TAFA1: variants seen among roughly 807,000 people sequenced by gnomAD.
TAFA1 encodes chemokine-like protein TAFA-1.
A neutral mutation model predicts 18.5 loss-of-function variants in TAFA1; 4 were observed. The ratio of observed to expected loss-of-function variants is 0.22; its 90% confidence interval spans 0.11 to 0.49. TAFA1 has a LOEUF of 0.49. Ranked by LOEUF, TAFA1 falls within the 20% of genes least tolerant of loss-of-function variation. The probability of loss-of-function intolerance (pLI) is 0.98; values close to 1 mark genes in which losing one functional copy is unlikely to be tolerated. For synonymous variants in TAFA1, 56 were observed against 55.2 expected (o/e 1.01, Z -0.06); for missense variants, 147 against 169.0 (o/e 0.87, Z 0.72).
chr3:68,449,117 C>T (rs76790680), intron 3 of TAFA1, among the ~76,000 whole-genome samples: 154 of 152,212 alleles, frequency 1.0e-3, no homozygotes, highest in African/African-American at 3.5e-3. Context: ...AGATACATCT[C>T]CACAAAATAG....
intron 3 of TAFA1, among the ~76,000 whole-genome samples, chr3:68,427,662 C>A (rs1478500760): frequency 6.6e-6 from 1 of 151,850 alleles, no homozygotes; most frequent in Non-Finnish European, 1.5e-5. Context: ...CCACCCCCCC[C>A]ATACAAGTTC....
chr3:68,133,771 C>G (rs1469678967), intron 2 of TAFA1, among the ~76,000 whole-genome samples: 1 of 152,104 alleles, frequency 6.6e-6, no homozygotes, highest in Non-Finnish European at 1.5e-5. Context: ...CAAAAGCTTA[C>G]TAGATATTAG....
chr3:68,059,062 C>T (rs899345303), intron 2 of TAFA1, among the ~76,000 whole-genome samples: 1 of 152,160 alleles, frequency 6.6e-6, no homozygotes, highest in Non-Finnish European at 1.5e-5. Context: ...TATCAAAGCA[C>T]TTCTTTACTG....
intron 2 of TAFA1, among the ~76,000 whole-genome samples, chr3:68,038,628 A>G (rs574726782): frequency 6.6e-6 from 1 of 152,228 alleles, no homozygotes; most frequent in East Asian, 1.9e-4. Flanking sequence ...GGGTAGTCAC[A>G]TTTGCTGAAT....
chr3:68,429,992 T>C (rs1357549601), intron 3 of TAFA1, among the ~76,000 whole-genome samples: 1 of 151,976 alleles, frequency 6.6e-6, no homozygotes, highest in African/African-American at 2.4e-5. Flanking sequence ...GAGTATTGAC[T>C]ATGTGCCAGG....
At chr3:68,127,649 AGTG>A (rs1169278628) in intron 2 of TAFA1, among the ~76,000 whole-genome samples, 1 of 348 alleles carries the variant, frequency 2.9e-3, no homozygotes, top group Non-Finnish European at 7.2e-3. Flanking sequence ...TGCTGATGAC[AGTG>A]GTGGTGGTGG....
chr3:68,093,481 T>C (rs1217463164), intron 2 of TAFA1, among the ~76,000 whole-genome samples: 1 of 152,126 alleles, frequency 6.6e-6, no homozygotes, highest in East Asian at 1.9e-4. Flanking sequence ...TACTATTTAT[T>C]GTGCCTAAGA....
intron 2 of TAFA1, among the ~76,000 whole-genome samples, chr3:68,226,313 G>T (rs534082766): frequency 2.0e-5 from 3 of 152,308 alleles, no homozygotes; most frequent in Non-Finnish European, 2.9e-5. Context: ...CAAAGGGAGA[G>T]AAACAACCAT....
chr3:68,041,231 T>G (rs1266680758), intron 2 of TAFA1, among the ~76,000 whole-genome samples: 1 of 152,224 alleles, frequency 6.6e-6, no homozygotes, highest in Admixed American at 6.5e-5. Flanking sequence ...AAAGACTCTG[T>G]GTTGAGATTC....
intron 2 of TAFA1, among the ~76,000 whole-genome samples, chr3:68,162,489 A>G (rs989518954): frequency 2.0e-5 from 3 of 152,148 alleles, no homozygotes; most frequent in African/African-American, 7.2e-5. Context: ...GCTCACCTCC[A>G]TGGACCAGTG....
chr3:68,489,978 GC>G (rs2072419733), intron 3 of TAFA1, among the ~76,000 whole-genome samples: 1 of 152,060 alleles, frequency 6.6e-6, no homozygotes, highest in Non-Finnish European at 1.5e-5. Context: ...TTGGTATTTT[GC>G]AACCCTTTTG....
chr3:68,228,985 A>AAG (rs1209275816), intron 2 of TAFA1, among the ~76,000 whole-genome samples: 3 of 152,204 alleles, frequency 2.0e-5, no homozygotes, highest in Middle Eastern at 3.2e-3. Flanking sequence ...CATTCTGCCC[A>AAG]AGATGGTTTT....
chr3:68,030,372 G>A (rs1239596794), intron 2 of TAFA1, among the ~76,000 whole-genome samples: 5 of 151,750 alleles, frequency 3.3e-5, no homozygotes, highest in South Asian at 2.1e-4. Context: ...CCATCAACCC[G>A]TCATCTACAT....
At chr3:68,349,144 T>A (rs2069218832) in intron 2 of TAFA1, among the ~76,000 whole-genome samples, 2 of 151,792 alleles carry the variant, frequency 1.3e-5, no homozygotes, top group African/African-American at 4.8e-5. Flanking sequence ...ATCATAAAAT[T>A]TGAGATCAAT....
At position 68,053,337 on chromosome 3, in the gene TAFA1, T is replaced by G. The variant is rs543314385; in HGVS notation, c.118+46593T>G. 1.1e-4 allele frequency among the ~76,000 whole-genome samples: 16 copies of G among 152,262 alleles called. 1 individual carries two copies. Among genetic ancestry groups the G allele is most frequent in the African/African-American group, 2.9e-4 (12 of 41,566 alleles). On this transcript the variant is annotated intron_variant, in intron 2 of 4. Coordinates refer to ENST00000478136, the MANE Select transcript of TAFA1 (RefSeq NM_213609.4). ...TTAATTTTACTCCCCATAGGTTGCC[T>G]ATTTAAATCTTAACAGATGTGATAA...
intron 3 of TAFA1, among the ~76,000 whole-genome samples, chr3:68,444,792 ATATATATATATATATAT>A (rs2071447510): frequency 2.1e-5 from 3 of 141,304 alleles, no homozygotes; most frequent in Non-Finnish European, 4.6e-5. Context: ...ATATATATAT[ATATATATATATATATAT>A]ATAAAATAAA....
At chr3:68,227,245 CA>C (rs1156680683) in intron 2 of TAFA1, among the ~76,000 whole-genome samples, 22 of 152,150 alleles carry the variant, frequency 1.4e-4, no homozygotes, top group African/African-American at 5.1e-4. Context: ...TGTATCCTAG[CA>C]ATCTCTGTTT....
intron 2 of TAFA1, among the ~76,000 whole-genome samples, chr3:68,105,603 TG>T (rs1178409241): frequency 6.6e-6 from 1 of 152,198 alleles, no homozygotes; most frequent in South Asian, 2.1e-4. Flanking sequence ...GTATTTACTT[TG>T]TTTAATCTAA....
intron 2 of TAFA1, among the ~76,000 whole-genome samples, chr3:68,273,316 G>A (rs1179506267): frequency 6.6e-6 from 1 of 152,190 alleles, no homozygotes; most frequent in Non-Finnish European, 1.5e-5. Context: ...GGGGACAGTG[G>A]TAGAAGTTGC....
Sources: gnomAD v4.1 joint callset for allele counts (sites outside exome capture counted in the v4.1 genomes callset) on GRCh38, gnomAD v4.1.1 for gene constraint, MANE v1.5 for transcripts, NCBI Gene and HGNC (gene_info 2026-07-23, HGNC 2026-07-21) for gene names.